RBMS3: variants seen among roughly 807,000 people sequenced by gnomAD.
RBMS3 encodes the protein RNA-binding motif, single-stranded-interacting protein 3.
A neutral mutation model predicts 66.8 loss-of-function variants in RBMS3; 27 were observed. The observed-to-expected ratio is 0.40, with a 90% confidence interval of 0.30 to 0.56. The LOEUF is 0.56. Ranked by LOEUF, RBMS3 falls within the 20% of genes least tolerant of loss-of-function variation. RBMS3 has a pLI of 0.40. For missense variants in RBMS3, 513 were observed against 549.5 expected (o/e 0.93, Z 0.66); for synonymous variants, 188 against 183.0 (o/e 1.03, Z -0.22).
chr3:29,748,261 TAGAA>T (rs891320443), intron 5 of RBMS3, among the ~76,000 whole-genome samples: 9 of 151,872 alleles, frequency 5.9e-5, no homozygotes, highest in African/African-American at 1.7e-4. Context: ...GTTTGGGAAA[TAGAA>T]AGGAAACAAA....
intron 3 of RBMS3, among the ~76,000 whole-genome samples, chr3:29,550,997 C>A (rs1299762897): frequency 2.0e-5 from 3 of 152,174 alleles, no homozygotes; most frequent in Non-Finnish European, 4.4e-5. Context: ...CTCTCTATGA[C>A]ATTTATACAT....
chr3:29,839,363 G>C (rs1465762797), intron 6 of RBMS3, among the ~76,000 whole-genome samples: 1 of 151,982 alleles, frequency 6.6e-6, no homozygotes, highest in Non-Finnish European at 1.5e-5. Context: ...CTGTTGTTTT[G>C]GAACCACAGC....
chr3:29,852,552 A>G (rs2058962097), intron 6 of RBMS3, among the ~76,000 whole-genome samples: 1 of 152,218 alleles, frequency 6.6e-6, no homozygotes, highest in South Asian at 2.1e-4. Flanking sequence ...ATTCAAACAT[A>G]TGAAAAAAAG....
intron 4 of RBMS3, among the ~76,000 whole-genome samples, chr3:29,662,802 C>A (rs2050607385): frequency 6.6e-6 from 1 of 152,150 alleles, no homozygotes; most frequent in African/African-American, 2.4e-5. Flanking sequence ...TGATAGCCAC[C>A]AATGATTTGG....
intron 3 of RBMS3, among the ~76,000 whole-genome samples, chr3:29,532,607 T>C (rs2045408855): frequency 6.6e-6 from 1 of 152,074 alleles, no homozygotes; most frequent in Non-Finnish European, 1.5e-5. Flanking sequence ...GGTGTGTGCC[T>C]GTATCGTCGC....
At chr3:29,779,378 A>G (rs1488116865) in intron 6 of RBMS3, among the ~76,000 whole-genome samples, 2 of 151,558 alleles carry the variant, frequency 1.3e-5, no homozygotes, top group African/African-American at 2.4e-5. Flanking sequence ...AAAAGCTCCA[A>G]TTAGAGGAAT....
intron 5 of RBMS3, among the ~76,000 whole-genome samples, chr3:29,741,982 C>T (rs2054669282): frequency 6.6e-6 from 1 of 152,090 alleles, no homozygotes; most frequent in African/African-American, 2.4e-5. Flanking sequence ...AATACAGTCA[C>T]ATTCTGAGGT....
At chr3:29,708,908 C>T (rs575538210) in intron 4 of RBMS3, among the ~76,000 whole-genome samples, 21 of 152,284 alleles carry the variant, frequency 1.4e-4, no homozygotes, top group African/African-American at 4.8e-4. Flanking sequence ...TTCTGAGTTG[C>T]AGGAAGCTAG....
chr3:29,736,145 A>ATAATTTAATT (rs2149343834), intron 4 of RBMS3, among the ~76,000 whole-genome samples: 1 of 152,332 alleles, frequency 6.6e-6, no homozygotes, highest in African/African-American at 2.4e-5. Flanking sequence ...TATTTTATGC[A>ATAATTTAATT]TAATTTAAAT....
intron 3 of RBMS3, among the ~76,000 whole-genome samples, chr3:29,555,513 A>G (rs900899025): frequency 1.3e-5 from 2 of 152,186 alleles, no homozygotes; most frequent in African/African-American, 4.8e-5. Flanking sequence ...AAGGAATTAG[A>G]ATACTTTGAG....
intron 10 of RBMS3, among the ~76,000 whole-genome samples, chr3:29,925,405 C>T (rs114314838): frequency 0.012 from 1,809 of 151,960 alleles, 32 homozygotes; most frequent in African/African-American, 0.042. Context: ...GTGAAGGTTG[C>T]CATGAAAATA....
At chr3:29,664,342 G>C (rs550054814) in intron 4 of RBMS3, among the ~76,000 whole-genome samples, 1 of 152,186 alleles carries the variant, frequency 6.6e-6, no homozygotes, top group East Asian at 1.9e-4. Flanking sequence ...ACAAAAATTA[G>C]CTGGGTGTGG....
rs554474884 is a variant in RBMS3, at chr3:29,402,556, G to A, written c.76-32187G>A. Among the ~76,000 whole-genome samples, 5 of 151,960 alleles carry A rather than the reference G, an allele frequency of 3.3e-5. No individual in the cohort carries two copies. In the East Asian group the frequency reaches 5.8e-4, roughly 18 times the overall value. ...CTTCCTTTATTTTCTAATAATGATG[G>A]CAATGAGTTAGCTGTATCAATCTTT... On this transcript the variant is annotated intron_variant, in intron 1 of 14. Transcript: ENST00000383767.
intron 10 of RBMS3, among the ~76,000 whole-genome samples, chr3:29,911,505 C>A (rs1010174410): frequency 4.6e-5 from 7 of 152,002 alleles, no homozygotes; most frequent in African/African-American, 1.5e-4. Flanking sequence ...ATCCGATGTG[C>A]CCTTTCACAA....
chr3:29,343,497 C>G (rs1291826405), intron 1 of RBMS3, among the ~76,000 whole-genome samples: 1 of 151,820 alleles, frequency 6.6e-6, no homozygotes, highest in Non-Finnish European at 1.5e-5. Context: ...AATTAATAGA[C>G]TATAGTTTCC....
At chr3:29,582,193 GA>G (rs761438576) in intron 3 of RBMS3, among the ~76,000 whole-genome samples, 2,665 of 147,814 alleles carry the variant, frequency 0.018, 37 homozygotes, top group Non-Finnish European at 0.019. Flanking sequence ...TAGATAGATA[GA>G]TACACACACA....
At chr3:29,896,472 G>A (rs1451572902) in intron 8 of RBMS3, among the ~76,000 whole-genome samples, 1 of 151,244 alleles carries the variant, frequency 6.6e-6, no homozygotes, top group East Asian at 1.9e-4. Context: ...TCCTCACATC[G>A]CTGACATACT....
At chr3:29,606,490 G>A (rs1428976441) in intron 4 of RBMS3, among the ~76,000 whole-genome samples, 1 of 151,900 alleles carries the variant, frequency 6.6e-6, no homozygotes, top group East Asian at 1.9e-4. Flanking sequence ...GCTGGAGTTG[G>A]ACACATTTTG....
intron 4 of RBMS3, among the ~76,000 whole-genome samples, chr3:29,626,229 T>C (rs1576389188): frequency 6.6e-6 from 1 of 152,310 alleles, no homozygotes; most frequent in Non-Finnish European, 1.5e-5. Flanking sequence ...ACTCTGCGTT[T>C]GGGAGTCATT....
Sources: gnomAD v4.1 joint callset for allele counts (sites outside exome capture counted in the v4.1 genomes callset) on GRCh38, gnomAD v4.1.1 for gene constraint, MANE v1.5 for transcripts, NCBI Gene and HGNC (gene_info 2026-07-23, HGNC 2026-07-21) for gene names.